Variants in MAP3K5 observed in about 807,000 individuals in gnomAD.
MAP3K5 encodes the protein ASK-1.
MAP3K5 carries 56 observed loss-of-function variants against 158.7 expected under a neutral mutation model. That is an observed-to-expected ratio of 0.35 (90% CI 0.28 to 0.44). The LOEUF is 0.44. Among genes scored for constraint, MAP3K5 ranks in the 20% least tolerant of loss-of-function variants. The pLI is 1.00. For missense variants in MAP3K5, 1,294 were observed against 1,674.8 expected (o/e 0.77, Z 3.97); for synonymous variants, 579 against 601.7 (o/e 0.96, Z 0.55).
chr6:136,684,036 A>G (rs1780041787), intron 7 of MAP3K5, among the ~76,000 whole-genome samples: 1 of 152,046 alleles, frequency 6.6e-6, no homozygotes, highest in East Asian at 1.9e-4. Context: ...ATTTGAGACT[A>G]GCCTGGGCCA....
At chr6:136,730,960 C>T (rs1232304646) in intron 1 of MAP3K5, among the ~76,000 whole-genome samples, 2 of 152,158 alleles carry the variant, frequency 1.3e-5, no homozygotes, top group East Asian at 3.8e-4. Context: ...TATGTAGAAA[C>T]AATGGATACT....
At chr6:136,744,220 C>G (rs1017607432) in intron 1 of MAP3K5, among the ~76,000 whole-genome samples, 1 of 152,066 alleles carries the variant, frequency 6.6e-6, no homozygotes, top group Non-Finnish European at 1.5e-5. Flanking sequence ...ATGCACCACT[C>G]TAGATCAGTA....
chr6:136,589,484 G>A (rs1324250156), intron 23 of MAP3K5, among the ~76,000 whole-genome samples: 1 of 152,162 alleles, frequency 6.6e-6, no homozygotes, highest in South Asian at 2.1e-4. Context: ...TATTTGGGAA[G>A]GGGATTCTTC....
At chr6:136,577,881 A>G (rs1774689135) in intron 25 of MAP3K5, among the ~76,000 whole-genome samples, 1 of 152,170 alleles carries the variant, frequency 6.6e-6, no homozygotes, top group South Asian at 2.1e-4. Flanking sequence ...GTTTTTCACT[A>G]ATGTTCGTTT....
chr6:136,714,053 A>G (rs1482370753), intron 2 of MAP3K5, among the ~76,000 whole-genome samples: 5 of 152,266 alleles, frequency 3.3e-5, no homozygotes, highest in Non-Finnish European at 7.3e-5. Context: ...CCTTTGAAAA[A>G]TAAAAATTTT....
At chr6:136,716,150 A>C (rs1781519104) in intron 2 of MAP3K5, among the ~76,000 whole-genome samples, 1 of 146,058 alleles carries the variant, frequency 6.8e-6, no homozygotes, top group Non-Finnish European at 1.5e-5. Context: ...ATTCTTGATT[A>C]TATCTCCTTA....
intron 10 of MAP3K5, among the ~76,000 whole-genome samples, chr6:136,655,853 G>C (rs533282385): frequency 1.1e-4 from 17 of 152,150 alleles, no homozygotes; most frequent in Admixed American, 5.9e-4. Flanking sequence ...AGTGATTGGG[G>C]ATATTACATC....
intron 29 of MAP3K5, among the ~76,000 whole-genome samples, chr6:136,558,400 A>C (rs1830349181): frequency 6.6e-6 from 1 of 151,924 alleles, no homozygotes; most frequent in Non-Finnish European, 1.5e-5. Flanking sequence ...AAAAAGTTAT[A>C]TGCTTGGCCT....
chr6:136,726,571 T>A (rs994436094), intron 1 of MAP3K5, among the ~76,000 whole-genome samples: 1 of 151,926 alleles, frequency 6.6e-6, no homozygotes, highest in East Asian at 1.9e-4. Context: ...CCAGCCTGGG[T>A]GACAGAGCAA....
chr6:136,763,334 A>G (rs1047426982), intron 1 of MAP3K5, among the ~76,000 whole-genome samples: 2 of 152,232 alleles, frequency 1.3e-5, no homozygotes, highest in African/African-American at 2.4e-5. Context: ...TGCCTTCTCT[A>G]CTTCAAACAT....
At chr6:136,713,501 G>C (rs562065952) in intron 2 of MAP3K5, among the ~76,000 whole-genome samples, 5 of 152,272 alleles carry the variant, frequency 3.3e-5, no homozygotes, top group African/African-American at 1.2e-4. Flanking sequence ...TAACCTCAGG[G>C]ATTCTACAAT....
chr6:136,675,035 GT>G (rs1360649204), intron 7 of MAP3K5, among the ~76,000 whole-genome samples: 2 of 151,784 alleles, frequency 1.3e-5, no homozygotes, highest in Non-Finnish European at 2.9e-5. Flanking sequence ...TTAAATAAAT[GT>G]TATCATTATA....
intron 1 of MAP3K5, among the ~76,000 whole-genome samples, chr6:136,729,975 T>G (rs1782139292): frequency 6.6e-6 from 1 of 151,812 alleles, no homozygotes; most frequent in Non-Finnish European, 1.5e-5. Flanking sequence ...ACAAGGGAGG[T>G]TTTGTGGTAT....
In MAP3K5 at chr6:136,609,195, A is replaced by C. The variant is rs1259064955; in HGVS notation, c.2521+2087T>G. Among the ~76,000 whole-genome samples the C allele has an allele frequency of 6.6e-6, 1 of 152,252 alleles. No homozygotes were observed. Among genetic ancestry groups the C allele is most frequent in the Non-Finnish European group, 1.5e-5 (1 of 68,034 alleles). On this transcript the variant is annotated intron_variant, in intron 18 of 29. Transcript: ENST00000359015. The surrounding 1 kb of genome is among the most constrained non-coding windows in gnomAD (Gnocchi z 4.4). ...GGGATTTTCCTCTCAGAAATTACTG[A>C]GTCTTGACAGCACTGAAACTGCTGC...
chr6:136,768,295 G>T (rs1784042593), intron 1 of MAP3K5, among the ~76,000 whole-genome samples: 1 of 152,170 alleles, frequency 6.6e-6, no homozygotes, highest in Admixed American at 6.5e-5. Context: ...GAAAATATTT[G>T]CAAATCATAT....
chr6:136,704,738 G>A (rs1780997859), intron 3 of MAP3K5, among the ~76,000 whole-genome samples: 1 of 152,150 alleles, frequency 6.6e-6, no homozygotes, highest in East Asian at 1.9e-4. Context: ...TAGAGATGGG[G>A]TTTCACCATG....
chr6:136,689,125 C>A (rs1288896963), intron 7 of MAP3K5, among the ~76,000 whole-genome samples: 1 of 151,824 alleles, frequency 6.6e-6, no homozygotes, highest in Non-Finnish European at 1.5e-5. Context: ...CACAGCAAGA[C>A]CGCATCTCTG....
At chr6:136,681,216 C>A (rs1196950935) in intron 7 of MAP3K5, among the ~76,000 whole-genome samples, 1 of 152,178 alleles carries the variant, frequency 6.6e-6, no homozygotes, top group Non-Finnish European at 1.5e-5. Flanking sequence ...TAATGCCTGG[C>A]AAATATCTAG....
At chr6:136,565,643 A>G (rs1308203660) in intron 26 of MAP3K5, among the ~76,000 whole-genome samples, 1 of 152,246 alleles carries the variant, frequency 6.6e-6, no homozygotes, top group Non-Finnish European at 1.5e-5. Flanking sequence ...AAAACACACT[A>G]ACATTTCCTC....
Sources: allele counts gnomAD v4.1 joint callset (sites outside exome capture counted in the v4.1 genomes callset), GRCh38; gene constraint gnomAD v4.1.1; non-coding constraint Gnocchi (gnomAD v3.1); transcripts MANE v1.5; gene names NCBI Gene and HGNC (gene_info 2026-07-23, HGNC 2026-07-21).